FTO: variants seen among roughly 807,000 people sequenced by gnomAD.
FTO encodes the protein FTO alpha-ketoglutarate dependent dioxygenase, also known as alpha-ketoglutarate-dependent dioxygenase FTO.
Under a neutral mutation model 63.9 loss-of-function variants are expected in FTO, and 47 were observed. The ratio of observed to expected loss-of-function variants is 0.74; its 90% confidence interval spans 0.58 to 0.94. FTO has a LOEUF of 0.94. Ranked by LOEUF, FTO falls within the 40% of genes least tolerant of loss-of-function variation. FTO has a pLI of 0.00. For missense variants in FTO, 562 were observed against 618.1 expected (o/e 0.91, Z 0.96); for synonymous variants, 207 against 224.4 (o/e 0.92, Z 0.69).
chr16:53,877,576 A>C (rs1322404148), intron 5 of FTO, among the ~76,000 whole-genome samples: 1 of 152,200 alleles, frequency 6.6e-6, no homozygotes, highest in Non-Finnish European at 1.5e-5. Flanking sequence ...TGACTGCCAA[A>C]TGGCACAGGG....
chr16:53,892,306 T>C (rs2081169129), intron 7 of FTO, among the ~76,000 whole-genome samples: 1 of 152,090 alleles, frequency 6.6e-6, no homozygotes, highest in South Asian at 2.1e-4. Context: ...GATGTTAGCC[T>C]TTCAGGAAAA....
chr16:53,882,167 G>A (rs1251906342), intron 6 of FTO, among the ~76,000 whole-genome samples: 1 of 152,134 alleles, frequency 6.6e-6, no homozygotes, highest in African/African-American at 2.4e-5. Context: ...ATAATAAGAA[G>A]GATTGATGGG....
At chr16:54,049,793 CT>C (rs746375493) in intron 8 of FTO, among the ~76,000 whole-genome samples, 1 of 152,160 alleles carries the variant, frequency 6.6e-6, no homozygotes, top group East Asian at 1.9e-4. Flanking sequence ...TTCATGGGCT[CT>C]TTTCCCAGGA....
At chr16:53,759,533 A>G (rs181734987) in intron 1 of FTO, among the ~76,000 whole-genome samples, 187 of 152,092 alleles carry the variant, frequency 1.2e-3, no homozygotes, top group African/African-American at 4.0e-3. Context: ...ATCTCTATTA[A>G]AAGTACAAAA....
intron 6 of FTO, among the ~76,000 whole-genome samples, chr16:53,883,269 T>C (rs2080889874): frequency 6.6e-6 from 1 of 152,174 alleles, no homozygotes; most frequent in Non-Finnish European, 1.5e-5. Context: ...TTACCATCAA[T>C]GGATGGGAGA....
intron 1 of FTO, among the ~76,000 whole-genome samples, chr16:53,740,725 T>A (rs1405920736): frequency 6.6e-6 from 1 of 152,212 alleles, no homozygotes; most frequent in Non-Finnish European, 1.5e-5. Context: ...TCTGTGGCTT[T>A]TTCAGCACAT....
At chr16:53,993,968 C>T (rs2083873303) in intron 8 of FTO, 1 of 152,190 alleles carries the variant, frequency 6.6e-6, no homozygotes, top group Non-Finnish European at 1.5e-5. Flanking sequence ...ACAGTCATTT[C>T]TCTAGCATTA....
chr16:53,883,679 C>T (rs1283538680), intron 6 of FTO, among the ~76,000 whole-genome samples: 2 of 141,310 alleles, frequency 1.4e-5, no homozygotes, highest in Non-Finnish European at 3.0e-5. Context: ...AAGTGACTGG[C>T]TGCTTTTGAT....
chr16:53,793,643 A>G (rs2077985341), intron 1 of FTO, among the ~76,000 whole-genome samples: 1 of 152,230 alleles, frequency 6.6e-6, no homozygotes. Context: ...GCTAGGGACT[A>G]AGTACTTTGT....
At chr16:53,716,514 G>C (rs1261102544) in intron 1 of FTO, among the ~76,000 whole-genome samples, 1 of 151,876 alleles carries the variant, frequency 6.6e-6, no homozygotes, top group Non-Finnish European at 1.5e-5. Context: ...TGTAAAATGG[G>C]GATCATAATA....
chr16:53,904,621 A>G (rs1175131755), intron 7 of FTO, among the ~76,000 whole-genome samples: 1 of 152,146 alleles, frequency 6.6e-6, no homozygotes, highest in East Asian at 1.9e-4. Context: ...TACCCTGCTG[A>G]GTTCTAGGCC....
In FTO at chr16:53,714,116, A is replaced by C. The variant is rs528128859; in HGVS notation, c.45+9887A>C. 3.3e-5 allele frequency among the ~76,000 whole-genome samples: 5 copies of C among 152,368 alleles called. No homozygotes were observed. The South Asian group carries it at 1.0e-3, about 32-fold the overall frequency. ...CCTTTACAACTGGTAGAAACCAAGTAGAAAATTCAGTTTGAAGGACCAAAT... is the reference window on the plus strand; with the variant it reads ...CCTTTACAACTGGTAGAAACCAAGTCGAAAATTCAGTTTGAAGGACCAAAT... On this transcript the variant is annotated intron_variant, in intron 1 of 8. Coordinates refer to ENST00000471389, the MANE Select transcript of FTO (RefSeq NM_001080432.3).
intron 8 of FTO, chr16:53,937,620 TG>T (rs1167750223): frequency 5.3e-6 from 1 of 188,642 alleles, no homozygotes; most frequent in Non-Finnish European, 1.1e-5. Context: ...GAGAGGAGGG[TG>T]GGGCCCGGCG....
intron 8 of FTO, among the ~76,000 whole-genome samples, chr16:53,969,736 A>G (rs1480511938): frequency 6.6e-6 from 1 of 152,194 alleles, no homozygotes. Flanking sequence ...CCTACAGCAA[A>G]CAGAGCCAGA....
intron 4 of FTO, among the ~76,000 whole-genome samples, chr16:53,867,892 A>G (rs978100410): frequency 6.6e-6 from 1 of 152,124 alleles, no homozygotes; most frequent in African/African-American, 2.4e-5. Context: ...TTAGGTGCAT[A>G]CTGTTATATC....
chr16:53,958,774 A>T lies in FTO; in HGVS notation c.1364+24665A>T, dbSNP rs557946278. 3.3e-5 allele frequency among the ~76,000 whole-genome samples: 5 copies of T among 152,288 alleles called. No individual in the cohort carries two copies. The South Asian group carries it at 6.2e-4, about 19-fold the overall frequency. On this transcript the variant is annotated intron_variant, in intron 8 of 8. Transcript: ENST00000471389. Reference sequence around the variant, plus strand: ...TGCAGCCAACAGAGCACAACCCCAAATAAATACTCAGCCTGACATCTAGGC... The same window carrying T: ...TGCAGCCAACAGAGCACAACCCCAATTAAATACTCAGCCTGACATCTAGGC...
At chr16:53,726,312 C>T (rs1192338353) in intron 1 of FTO, among the ~76,000 whole-genome samples, 1 of 152,172 alleles carries the variant, frequency 6.6e-6, no homozygotes, top group Non-Finnish European at 1.5e-5. Flanking sequence ...TGTTGAAACT[C>T]GTCCTTCTTA....
At chr16:53,880,661 C>T (rs1025061481) in intron 6 of FTO, among the ~76,000 whole-genome samples, 14 of 152,076 alleles carry the variant, frequency 9.2e-5, no homozygotes, top group African/African-American at 1.2e-4. Flanking sequence ...TTTCCTTAGA[C>T]GGTGCAAGGG....
At chr16:53,816,023 A>G (rs1481393481) in intron 2 of FTO, among the ~76,000 whole-genome samples, 1 of 151,992 alleles carries the variant, frequency 6.6e-6, no homozygotes, top group East Asian at 1.9e-4. Flanking sequence ...GCCCAATCAT[A>G]AACTCTCGTC....
Sources: gnomAD v4.1 joint callset for allele counts (sites outside exome capture counted in the v4.1 genomes callset) on GRCh38, gnomAD v4.1.1 for gene constraint, MANE v1.5 for transcripts, NCBI Gene and HGNC (gene_info 2026-07-23, HGNC 2026-07-21) for gene names.